The following ATP5F1D variants were observed in gnomAD, a reference collection of about 807,000 sequenced individuals.
ATP5F1D encodes the protein ATP synthase F1 subunit delta, also known as ATP synthase F(1) complex subunit delta, mitochondrial.
Under a neutral mutation model 13.0 loss-of-function variants are expected in ATP5F1D, and 16 were observed. The ratio of observed to expected loss-of-function variants is 1.23; its 90% CI spans 0.83 to 1.87. ATP5F1D has a LOEUF of 1.87. Ranked by LOEUF, ATP5F1D falls within the 40% of genes most tolerant of loss-of-function variation. The probability of loss-of-function intolerance (pLI) is 0.00; values close to 1 mark genes in which losing one functional copy is unlikely to be tolerated. For synonymous variants in ATP5F1D, 129 were observed against 116.2 expected (o/e 1.11, Z -0.71); for missense variants, 294 against 246.2 (o/e 1.19, Z -1.30).
In ATP5F1D at chr19:1,241,997, G is replaced by A; in HGVS notation, c.141+6G>A. ...CCTTCGCCTCTCCCACGCAGGTTCG[G>A]GCGCTGCGGGTCGGGACCCTCCGTG... On this transcript the variant is annotated splice_donor_region_variant and intron_variant, in intron 1 of 3. Transcript: ENST00000215375. The A allele has an allele frequency of 7.0e-7, 1 of 1,435,298 alleles. No individual in the cohort carries two copies. The highest frequency in any genetic ancestry group is 9.2e-7 in the Non-Finnish European group (1 of 1,092,490). 88.9% of individuals were successfully genotyped at this position (1,435,298 alleles called of 1,614,324 possible). A position where few individuals can be genotyped will look rare whatever the true frequency, so the allele number is the denominator to read the frequency against.
Position 1,244,103 on chromosome 19 carries a change from G to A in ATP5F1D, c.302G>A (p.Ser101Asn). The change falls in exon 3 of 4, where the codon AGC becomes AAC. Residue 101 changes from serine to asparagine, a missense_variant. Coordinates refer to ENST00000215375, the MANE Select transcript of ATP5F1D (RefSeq NM_001687.5). The part of the protein sequence containing the change: ...DGTTSKYFVS[S>N]GSIAVNADSS... ...CCCCGCCCCATTCCCCCAGTGAGCA[G>A]CGGTTCCATCGCAGTGAACGCCGAC... The A allele has an allele frequency of 6.2e-7, 1 of 1,610,280 alleles. No individual in the cohort carries two copies. Among genetic ancestry groups the A allele is most frequent in the East Asian group, 2.2e-5 (1 of 44,690 alleles).
Position 1,241,825 on chromosome 19 carries a change from C to T in ATP5F1D, c.-26C>T. The T allele has an allele frequency of 1.5e-6, 2 of 1,318,408 alleles. No homozygotes were observed. The highest frequency in any genetic ancestry group is 1.5e-5 in the African/African-American group (1 of 64,592). 81.7% of individuals were successfully genotyped at this position (1,318,408 alleles called of 1,614,324 possible). ...GCCGGAGTCCGCTGTCCGCCAGCTA[C>T]CCGCTTCCTGCCGCCCGCCGCTGCC... On this transcript the variant is annotated 5_prime_UTR_variant, in exon 1 of 4. Coordinates refer to ENST00000215375, the MANE Select transcript of ATP5F1D (RefSeq NM_001687.5).
rs138162893 is a variant in ATP5F1D, at chr19:1,244,163, C to T, written c.362C>T (p.Thr121Met). 1.6e-5 allele frequency: 26 copies of T among 1,612,016 alleles called. No homozygotes were observed. The highest frequency in any genetic ancestry group is 8.0e-5 in the African/African-American group (6 of 74,890). ...SVQLLAEEAV[T>M]LDMLDLGAAK... is the part of the protein sequence containing the mutation. ...CAGTTGTTGGCCGAAGAGGCCGTGA[C>T]GCTGGACATGTTGGACCTGGGGGTG... Residue 121 changes from threonine to methionine, a missense_variant, in exon 3 of 4, where the codon ACG becomes ATG. Coordinates refer to ENST00000215375, the MANE Select transcript of ATP5F1D (RefSeq NM_001687.5).
intron 1 of ATP5F1D, 56 bp from the exon 2 acceptor site, chr19:1,242,400 C>T: frequency 6.9e-7 from 1 of 1,445,076 alleles, no homozygotes; most frequent in Non-Finnish European, 9.2e-7. Context: ...GGCCGAGTGC[C>T]CGGTGGGCGC....
chr19:1,243,511 C>T (rs2081047724), intron 2 of ATP5F1D, among the ~76,000 whole-genome samples: 1 of 152,066 alleles, frequency 6.6e-6, no homozygotes, highest in African/African-American at 2.4e-5. Context: ...AAAAAATTAG[C>T]TGGTTGTAGT....
Position 1,244,346 on chromosome 19 carries a change from C to A in ATP5F1D, c.416C>A (p.Ala139Glu). Residue 139 changes from alanine (A) to glutamate (E), a missense_variant, in exon 4 of 4, where the codon GCG becomes GAG. Coordinates refer to ENST00000215375, the MANE Select transcript of ATP5F1D (RefSeq NM_001687.5). Reference sequence around the variant, plus strand: ...AAGGCAAACTTGGAGAAGGCCCAGGCGGAGCTGGTGGGGACAGCTGACGAG... The same window carrying A: ...AAGGCAAACTTGGAGAAGGCCCAGGAGGAGCTGGTGGGGACAGCTGACGAG... ...AAKANLEKAQ[A>E]ELVGTADEAT... 1 of 1,591,406 alleles carries A rather than the reference C, an allele frequency of 6.3e-7. No homozygotes were observed. Among genetic ancestry groups the A allele is most frequent in the Non-Finnish European group, 8.6e-7 (1 of 1,169,486 alleles).
In ATP5F1D at chr19:1,242,468, G is replaced by C; in HGVS notation, c.154G>C (p.Gly52Arg). 7 of 1,528,746 alleles carry C rather than the reference G, an allele frequency of 4.6e-6. No homozygotes were observed. The highest frequency in any genetic ancestry group is 6.2e-6 in the Non-Finnish European group (7 of 1,132,530). 94.7% of individuals were successfully genotyped at this position (1,528,746 alleles called of 1,614,324 possible). ...CTGTTGTCTGCAGGTGTTCTTCAAC[G>C]GTGCCAACGTCCGGCAGGTGGACGT... The part of the protein sequence containing the change: ...FASPTQVFFN[G>R]ANVRQVDVPT... Residue 52 changes from glycine (G) to arginine (R), a missense_variant, in exon 2 of 4, where the codon GGT (glycine) becomes CGT (arginine). Gly to Arg is a moderately radical substitution (Grantham distance 125). Transcript: ENST00000215375.
chr19:1,244,694 C>A lies in ATP5F1D; in HGVS notation c.*257C>A. The A allele has an allele frequency of 1.9e-6, 1 of 530,128 alleles. No homozygotes were observed. Among genetic ancestry groups the A allele is most frequent in the Non-Finnish European group, 3.3e-6 (1 of 307,602 alleles). 32.8% of individuals were successfully genotyped at this position (530,128 alleles called of 1,614,324 possible). On this transcript the variant is annotated 3_prime_UTR_variant, in exon 4 of 4. Transcript: ENST00000215375. The stretch of plus-strand genomic sequence containing the variant: ...GGCTCTCCTTCCGCCTCTCAAGATC[C>A]CCCCAGCCTGACGGGCCGCTTACCA...
chr19:1,243,681 T>C (rs2081048535), intron 2 of ATP5F1D, among the ~76,000 whole-genome samples: 1 of 152,028 alleles, frequency 6.6e-6, no homozygotes, highest in African/African-American at 2.4e-5. Flanking sequence ...AAAAACCATG[T>C]TGGGAGGGCT....
In ATP5F1D at chr19:1,241,795, G is replaced by A; in HGVS notation, c.-56G>A. ...CCTCCTCGCCCTCCAGGCCGCCCGC[G>A]CCGCGCCGGAGTCCGCTGTCCGCCA... On this transcript the variant is annotated 5_prime_UTR_variant, in exon 1 of 4. Coordinates refer to ENST00000215375, the MANE Select transcript of ATP5F1D (RefSeq NM_001687.5). The A allele has an allele frequency of 1.8e-5, 23 of 1,279,380 alleles. No homozygotes were observed. Among genetic ancestry groups the A allele is most frequent in the South Asian group, 2.4e-5 (1 of 41,634 alleles). The allele number at this position is 1,279,380 out of a possible 1,614,324, so 79.3% of individuals were successfully genotyped here.
chr19:1,243,967 C>T (rs2081049745), intron 2 of ATP5F1D, 130 bp from the exon 3 acceptor site: 2 of 945,572 alleles, frequency 2.1e-6, no homozygotes, highest in East Asian at 5.3e-5. Flanking sequence ...TCTGTTTGCA[C>T]ACTCAGGACA....
rs1472570974 is a variant in ATP5F1D at position 1,244,295 on chromosome 19, C to T, written c.385-20C>T. On this transcript the variant is annotated intron_variant, in intron 3 of 3. Transcript: ENST00000215375. ...GCTGGGGTCGCTGCTGGCCCCTCACCGCCCCTCAACCCCTTGCAGGCAGCC... is the reference window on the plus strand; with the variant it reads ...GCTGGGGTCGCTGCTGGCCCCTCACTGCCCCTCAACCCCTTGCAGGCAGCC... 7.6e-6 allele frequency: 12 copies of T among 1,586,840 alleles called. No homozygotes were observed. The highest frequency in any genetic ancestry group is 2.3e-5 in the East Asian group (1 of 43,650).
intron 1 of ATP5F1D, 54 bp downstream of exon 1, chr19:1,242,045 G>A: frequency 3.0e-6 from 4 of 1,342,940 alleles, no homozygotes; most frequent in Non-Finnish European, 3.8e-6. Context: ...GGAGTCCAGG[G>A]TCCCCACCCC....
Position 1,241,926 on chromosome 19 carries a change from G to A in ATP5F1D, c.76G>A (p.Ala26Thr), listed in dbSNP as rs1225521291. The change falls in exon 1 of 4, where the codon GCC (alanine) becomes ACC (threonine). Residue 26 changes from alanine (A) to threonine (T), a missense_variant. By Grantham distance (58) the Ala-to-Thr change is moderately conservative. Coordinates refer to ENST00000215375, the MANE Select transcript of ATP5F1D (RefSeq NM_001687.5). Reference protein sequence around the residue: ...VRHARAYAEAAAAPAAASGPN... With the variant: ...VRHARAYAEATAAPAAASGPN... ...CCACGCCCGTGCCTATGCCGAGGCC[G>A]CCGCCGCCCCGGCTGCCGCCTCTGG... 3 of 1,493,870 alleles carry A rather than the reference G, an allele frequency of 2.0e-6. No individual in the cohort carries two copies. Among genetic ancestry groups the A allele is most frequent in the Non-Finnish European group, 1.8e-6 (2 of 1,124,336 alleles). The allele number at this position is 1,493,870 out of a possible 1,614,324, so 92.5% of individuals were successfully genotyped here. A position where few individuals can be genotyped will look rare whatever the true frequency, so the allele number is the denominator to read the frequency against.
In ATP5F1D at chr19:1,243,910, T is replaced by C. The variant is rs2081049489; in HGVS notation, c.296-187T>C. The C allele has an allele frequency of 6.5e-6, 4 of 618,314 alleles. No individual in the cohort carries two copies. In the East Asian group the frequency reaches 1.1e-4, roughly 17 times the overall value. 38.3% of individuals were successfully genotyped at this position (618,314 alleles called of 1,614,324 possible). ...TTTCTTGCGGCCCCTGTTTTGTTCT[T>C]CTCTAGCAGTTGCCCGCCATGTTGG... On this transcript the variant is annotated intron_variant, in intron 2 of 3. Coordinates refer to ENST00000215375, the MANE Select transcript of ATP5F1D (RefSeq NM_001687.5).
chr19:1,243,384 G>T (rs1290510157), intron 2 of ATP5F1D: 1 of 152,074 alleles, frequency 6.6e-6, no homozygotes, highest in Admixed American at 6.5e-5. Flanking sequence ...ACCAGGCGAG[G>T]CTGGGTGCGG....
At chr19:1,242,758 G>T in intron 2 of ATP5F1D, 149 bp downstream of exon 2, 1 of 1,014,250 alleles carries the variant, frequency 9.9e-7, no homozygotes, top group Non-Finnish European at 1.3e-6. Context: ...GGGAGGCCGA[G>T]GCAGGTGGAT....
At chr19:1,242,149 C>T in intron 1 of ATP5F1D, 158 bp downstream of exon 1, 1 of 1,027,178 alleles carries the variant, frequency 9.7e-7, no homozygotes, top group Non-Finnish European at 1.3e-6. Flanking sequence ...CTCTGCTGCC[C>T]GAGCCCTGCG....
chr19:1,241,924 C>A lies in ATP5F1D; in HGVS notation c.74C>A (p.Ala25Asp). The A allele has an allele frequency of 6.7e-7, 1 of 1,494,372 alleles. No homozygotes were observed. Among genetic ancestry groups the A allele is most frequent in the Non-Finnish European group, 8.9e-7 (1 of 1,124,798 alleles). 92.6% of individuals were successfully genotyped at this position (1,494,372 alleles called of 1,614,324 possible). Residue 25 changes from alanine to aspartate, a missense_variant, in exon 1 of 4, where the codon GCC becomes GAC. Ala to Asp is a moderately radical substitution (Grantham distance 126, BLOSUM62 -2). Transcript: ENST00000215375. ...LVRHARAYAE[A>D]AAAPAAASGP... ...CGCCACGCCCGTGCCTATGCCGAGGCCGCCGCCGCCCCGGCTGCCGCCTCT... is the reference window on the plus strand; with the variant it reads ...CGCCACGCCCGTGCCTATGCCGAGGACGCCGCCGCCCCGGCTGCCGCCTCT...
Sources: allele counts gnomAD v4.1 joint callset (sites outside exome capture counted in the v4.1 genomes callset), GRCh38; gene constraint gnomAD v4.1.1; transcripts MANE v1.5; gene names NCBI Gene and HGNC (gene_info 2026-07-23, HGNC 2026-07-21).